The following LINGO2 variants were observed in gnomAD, a reference collection of about 807,000 sequenced individuals.
The protein encoded by LINGO2 is leucine-rich repeat and immunoglobulin-like domain-containing nogo receptor-interacting protein 2.
Under a neutral mutation model 30.6 loss-of-function variants are expected in LINGO2, and 14 were observed. That is an observed-to-expected ratio of 0.46 (90% confidence interval 0.30 to 0.72). The LOEUF is 0.72. Among genes scored for constraint, LINGO2 ranks in the 30% least tolerant of loss-of-function variants. The pLI is 0.07. For synonymous variants in LINGO2, 317 were observed against 288.5 expected (o/e 1.10, Z -1.00); for missense variants, 729 against 751.7 (o/e 0.97, Z 0.35).
At chr9:28,542,422 C>T (rs1381074565) in intron 1 of LINGO2, among the ~76,000 whole-genome samples, 1 of 151,966 alleles carries the variant, frequency 6.6e-6, no homozygotes, top group Admixed American at 6.6e-5. Flanking sequence ...GCTCTTGTGC[C>T]AGGTAAGAGA....
At chr9:28,481,603 T>A in intron 1 of LINGO2, among the ~76,000 whole-genome samples, 1 of 149,732 alleles carries the variant, frequency 6.7e-6, no homozygotes, top group East Asian at 1.9e-4. Context: ...CTGTGTAAGT[T>A]TTATTTATTT....
At chr9:28,535,377 C>T (rs2135441599) in intron 1 of LINGO2, among the ~76,000 whole-genome samples, 1 of 152,056 alleles carries the variant, frequency 6.6e-6, no homozygotes, top group Admixed American at 6.6e-5. Context: ...AGACATCAAT[C>T]CTTTACCTAG....
intron 1 of LINGO2, among the ~76,000 whole-genome samples, chr9:28,662,171 C>A (rs745793865): frequency 8.5e-5 from 13 of 152,062 alleles, no homozygotes; most frequent in Non-Finnish European, 2.9e-5. Flanking sequence ...TAAAAAGATT[C>A]CAAGGATGCT....
chr9:28,716,665 G>T, the LINGO2 span, among the ~76,000 whole-genome samples: 1 of 151,974 alleles, frequency 6.6e-6, no homozygotes, highest in Non-Finnish European at 1.5e-5. Flanking sequence ...ATTTATCTTT[G>T]CCAAATACAG....
chr9:28,441,937 CCCACTGTTTT>C (rs1365039219), intron 2 of LINGO2, among the ~76,000 whole-genome samples: 3 of 152,060 alleles, frequency 2.0e-5, no homozygotes, highest in Non-Finnish European at 4.4e-5. Flanking sequence ...CCTAACTTCA[CCCACTGTTTT>C]CTATTGTACA....
intron 1 of LINGO2, among the ~76,000 whole-genome samples, chr9:28,627,987 T>C (rs1826759853): frequency 6.6e-6 from 1 of 152,080 alleles, no homozygotes; most frequent in Admixed American, 6.6e-5. Flanking sequence ...ACTTGTGTGG[T>C]CAAAATCATT....
intron 4 of LINGO2, among the ~76,000 whole-genome samples, chr9:28,212,958 A>G (rs1820642254): frequency 1.3e-5 from 2 of 151,552 alleles, no homozygotes; most frequent in African/African-American, 4.8e-5. Flanking sequence ...AAATTCTCAT[A>G]CTGGATCCTT....
intron 2 of LINGO2, among the ~76,000 whole-genome samples, chr9:28,397,386 T>TATATAC (rs1554716200): frequency 2.0e-5 from 3 of 149,070 alleles, no homozygotes; most frequent in Non-Finnish European, 3.0e-5. Context: ...TATATATATA[T>TATATAC]ACACACATTA....
intron 2 of LINGO2, among the ~76,000 whole-genome samples, chr9:28,418,501 A>G (rs1587644548): frequency 6.6e-6 from 1 of 150,930 alleles, no homozygotes; most frequent in East Asian, 2.0e-4. Flanking sequence ...CTGGTCTCGA[A>G]CTCCTGATCT....
chr9:28,666,673 C>T (rs1026209451), intron 1 of LINGO2, among the ~76,000 whole-genome samples: 1 of 152,042 alleles, frequency 6.6e-6, no homozygotes, highest in Non-Finnish European at 1.5e-5. Context: ...TACTTTTATC[C>T]TTTTTTTCAC....
chr9:28,597,059 T>A lies in LINGO2; in HGVS notation c.-365+73141A>T, dbSNP rs536483201. ...GTAACTGAAAGCAATGATTCAATGA[T>A]AAAACTATGAGAAAAATACAAAGAT... On this transcript the variant is annotated intron_variant, in intron 1 of 5. Transcript: ENST00000379992. Among the ~76,000 whole-genome samples, 137 of 152,262 alleles carry A rather than the reference T, an allele frequency of 9.0e-4. 1 individual carries two copies. Among genetic ancestry groups the A allele is most frequent in the Admixed American group, 2.5e-3 (38 of 15,296 alleles).
At chr9:29,057,584 G>A in the LINGO2 span, among the ~76,000 whole-genome samples, 1 of 152,126 alleles carries the variant, frequency 6.6e-6, no homozygotes, top group East Asian at 1.9e-4. Context: ...AGGAGACAGA[G>A]ACTGAGTTTG....
intron 1 of LINGO2, among the ~76,000 whole-genome samples, chr9:28,512,413 T>A (rs1281406931): frequency 1.3e-5 from 2 of 151,510 alleles, no homozygotes; most frequent in Non-Finnish European, 2.9e-5. Context: ...AGCATCCCTA[T>A]CTGCCACTGA....
chr9:27,954,259 C>T (rs1819456563), intron 5 of LINGO2, among the ~76,000 whole-genome samples: 1 of 152,108 alleles, frequency 6.6e-6, no homozygotes, highest in East Asian at 1.9e-4. Context: ...TAACTACAGT[C>T]ACTCTACTGT....
At chr9:28,217,177 G>T (rs1485021100) in intron 4 of LINGO2, among the ~76,000 whole-genome samples, 1 of 150,722 alleles carries the variant, frequency 6.6e-6, no homozygotes, top group Non-Finnish European at 1.5e-5. Flanking sequence ...TACTATATGT[G>T]AATTGATTGA....
intron 4 of LINGO2, among the ~76,000 whole-genome samples, chr9:28,126,593 T>A (rs1446712976): frequency 6.6e-6 from 1 of 152,186 alleles, no homozygotes; most frequent in African/African-American, 2.4e-5. Flanking sequence ...TAGGCAAAGG[T>A]GAAGTTCACT....
At chr9:28,367,265 C>A (rs184782368) in intron 3 of LINGO2, among the ~76,000 whole-genome samples, 1 of 152,260 alleles carries the variant, frequency 6.6e-6, no homozygotes, top group Non-Finnish European at 1.5e-5. Context: ...ACTCCCAAAT[C>A]ATCCTGCAGA....
At chr9:28,058,481 A>T (rs543657204) in intron 4 of LINGO2, among the ~76,000 whole-genome samples, 1 of 152,166 alleles carries the variant, frequency 6.6e-6, no homozygotes, top group Admixed American at 6.6e-5. Context: ...TCCGCAGCAC[A>T]TGCTTAAATA....
the LINGO2 span, among the ~76,000 whole-genome samples, chr9:29,061,350 C>T: frequency 1.3e-5 from 2 of 151,916 alleles, no homozygotes; most frequent in Non-Finnish European, 2.9e-5. Flanking sequence ...CTAGGACTCA[C>T]ATGAAATCTC....
Sources: allele counts gnomAD v4.1 joint callset (sites outside exome capture counted in the v4.1 genomes callset), GRCh38; gene constraint gnomAD v4.1.1; transcripts MANE v1.5; gene names NCBI Gene and HGNC (gene_info 2026-07-23, HGNC 2026-07-21).